Variants in NKAIN2 observed in about 807,000 individuals in gnomAD.
NKAIN2 encodes the protein sodium/potassium-transporting ATPase subunit beta-1-interacting protein 2.
In NKAIN2, 14 loss-of-function variants were observed where a neutral mutation model predicts 32.6. That is an observed-to-expected ratio of 0.43 (90% CI 0.28 to 0.67). NKAIN2 has a LOEUF of 0.67. Among genes scored for constraint, NKAIN2 ranks in the 30% least tolerant of loss-of-function variants. The pLI is 0.17. For synonymous variants in NKAIN2, 80 were observed against 87.2 expected, an observed-to-expected ratio of 0.92 and a Z score of 0.46; for missense variants, 198 against 258.3, an observed-to-expected ratio of 0.77 and a Z score of 1.60.
intron 3 of NKAIN2, among the ~76,000 whole-genome samples, chr6:124,502,001 G>A (rs920372557): frequency 9.2e-5 from 14 of 152,108 alleles, no homozygotes; most frequent in Non-Finnish European, 1.5e-4. Flanking sequence ...AGCTACGGAA[G>A]GCTGAAACAG....
At chr6:124,316,444 G>A (rs1207757671) in intron 2 of NKAIN2, among the ~76,000 whole-genome samples, 3 of 152,002 alleles carry the variant, frequency 2.0e-5, no homozygotes, top group Non-Finnish European at 4.4e-5. Context: ...TGTAAATTAA[G>A]CAAACTGTAT....
chr6:124,490,215 A>C (rs1325114659), intron 3 of NKAIN2, among the ~76,000 whole-genome samples: 1 of 151,722 alleles, frequency 6.6e-6, no homozygotes, highest in Admixed American at 6.6e-5. Context: ...AGTTCCTTGA[A>C]ACATTCAGGA....
intron 1 of NKAIN2, among the ~76,000 whole-genome samples, chr6:124,246,067 C>A (rs1396348648): frequency 6.6e-6 from 1 of 152,080 alleles, no homozygotes; most frequent in Non-Finnish European, 1.5e-5. Flanking sequence ...AGCACCCCTC[C>A]TCAAAGCGGT....
At chr6:123,996,265 G>T (rs766293711) in intron 1 of NKAIN2, among the ~76,000 whole-genome samples, 1 of 151,968 alleles carries the variant, frequency 6.6e-6, no homozygotes, top group Non-Finnish European at 1.5e-5. Flanking sequence ...ATTAATGAGG[G>T]TAAATAGTAA....
At chr6:124,121,783 G>A (rs1324676288) in intron 1 of NKAIN2, 11 of 238,820 alleles carry the variant, frequency 4.6e-5, no homozygotes, top group South Asian at 2.5e-4. Context: ...TAAATTATGC[G>A]GGTCAAGTTC....
intron 4 of NKAIN2, among the ~76,000 whole-genome samples, chr6:124,777,976 A>AACAC (rs906312321): frequency 8.3e-6 from 1 of 119,966 alleles, no homozygotes; most frequent in African/African-American, 3.0e-5. Context: ...CACACACACA[A>AACAC]ACACACACAC....
intron 1 of NKAIN2, among the ~76,000 whole-genome samples, chr6:123,919,871 AAAAG>A (rs1775669907): frequency 6.6e-6 from 1 of 152,272 alleles, no homozygotes; most frequent in African/African-American, 2.4e-5. Flanking sequence ...AGGAAAAAGA[AAAAG>A]AAAGATTCTG....
At chr6:123,945,805 A>G (rs1777035694) in intron 1 of NKAIN2, among the ~76,000 whole-genome samples, 1 of 152,180 alleles carries the variant, frequency 6.6e-6, no homozygotes, top group Non-Finnish European at 1.5e-5. Context: ...TCAATCAGAT[A>G]TAATTCAAGT....
intron 1 of NKAIN2, among the ~76,000 whole-genome samples, chr6:124,188,497 C>A (rs1190419727): frequency 6.6e-6 from 1 of 152,114 alleles, no homozygotes; most frequent in Non-Finnish European, 1.5e-5. Flanking sequence ...TTATAAAATG[C>A]CTTCATGGTA....
chr6:124,190,199 T>C (rs929525417), intron 1 of NKAIN2, among the ~76,000 whole-genome samples: 13 of 152,238 alleles, frequency 8.5e-5, no homozygotes, highest in African/African-American at 3.1e-4. Flanking sequence ...GACCCACTTA[T>C]TCTTTCTAAG....
chr6:124,445,113 A>G (rs1032314627), intron 3 of NKAIN2, among the ~76,000 whole-genome samples: 15 of 152,050 alleles, frequency 9.9e-5, no homozygotes, highest in African/African-American at 3.4e-4. Flanking sequence ...TTAAGTTTAA[A>G]AAGTCTTTAA....
At chr6:124,343,089 T>C (rs1798216699) in intron 2 of NKAIN2, among the ~76,000 whole-genome samples, 1 of 151,068 alleles carries the variant, frequency 6.6e-6, no homozygotes, top group Non-Finnish European at 1.5e-5. Flanking sequence ...GTCTTTGGTT[T>C]TTTGTCCTTG....
chr6:124,437,461 C>A (rs1431319114), intron 3 of NKAIN2, among the ~76,000 whole-genome samples: 1 of 152,160 alleles, frequency 6.6e-6, no homozygotes, highest in Admixed American at 6.6e-5. Flanking sequence ...TCATTTTATT[C>A]TTTCTTTTGC....
At chr6:124,317,692 C>G (rs1371090670) in intron 2 of NKAIN2, among the ~76,000 whole-genome samples, 1 of 151,740 alleles carries the variant, frequency 6.6e-6, no homozygotes, top group African/African-American at 2.4e-5. Context: ...AGTTATAGGC[C>G]CCTAAAATGT....
rs113810600 is a variant in NKAIN2, at chr6:124,555,515, A to ATCATGT, written c.274-102668_274-102663dup. 2.9e-3 allele frequency among the ~76,000 whole-genome samples: 442 copies of ATCATGT among 152,328 alleles called. 1 individual carries two copies. The highest frequency in any genetic ancestry group is 0.01 in the African/African-American group (432 of 41,570). On this transcript the variant is annotated intron_variant, in intron 3 of 6. Coordinates refer to ENST00000368417, the MANE Select transcript of NKAIN2 (RefSeq NM_001040214.3). The stretch of plus-strand genomic sequence containing the variant: ...AATAGATGATTAAAACAATTAGAAT[A>ATCATGT]TCATGTTCCCTTATGTTCCCTTTCT...
chr6:124,338,026 ATAATT>A (rs1797952967), intron 2 of NKAIN2, among the ~76,000 whole-genome samples: 1 of 152,210 alleles, frequency 6.6e-6, no homozygotes, highest in South Asian at 2.1e-4. Context: ...TAGAAAAACT[ATAATT>A]AAATATATGG....
intron 1 of NKAIN2, among the ~76,000 whole-genome samples, chr6:123,910,170 T>C (rs2114449912): frequency 6.6e-6 from 1 of 152,312 alleles, no homozygotes; most frequent in Admixed American, 6.5e-5. Flanking sequence ...TCTTTCTGCA[T>C]CTGCTTCCTG....
At chr6:124,075,893 G>C (rs748257146) in intron 1 of NKAIN2, among the ~76,000 whole-genome samples, 1 of 152,178 alleles carries the variant, frequency 6.6e-6, no homozygotes, top group East Asian at 1.9e-4. Flanking sequence ...ACTGCGCCCA[G>C]CATGTATGGC....
At chr6:124,475,811 A>G (rs1245496740) in intron 3 of NKAIN2, among the ~76,000 whole-genome samples, 1 of 152,174 alleles carries the variant, frequency 6.6e-6, no homozygotes, top group African/African-American at 2.4e-5. Flanking sequence ...CTTTCCCGAA[A>G]GCATTTGAAG....
Sources: gnomAD v4.1 joint callset for allele counts (sites outside exome capture counted in the v4.1 genomes callset) on GRCh38, gnomAD v4.1.1 for gene constraint, MANE v1.5 for transcripts, NCBI Gene and HGNC (gene_info 2026-07-23, HGNC 2026-07-21) for gene names.